The following LIMK1 variants were observed in gnomAD, a reference collection of about 807,000 sequenced individuals.
LIMK1 encodes the protein LIM motif-containing protein kinase.
A neutral mutation model predicts 77.6 loss-of-function variants in LIMK1; 21 were observed. The observed-to-expected ratio is 0.27, with a 90% confidence interval of 0.19 to 0.39. The LOEUF (loss-of-function observed/expected upper bound fraction) is 0.39. Among genes scored for constraint, LIMK1 ranks in the 10% least tolerant of loss-of-function variants. LIMK1 has a pLI of 1.00. For synonymous variants in LIMK1, 358 were observed against 370.0 expected (o/e 0.97, Z 0.37); for missense variants, 696 against 901.6 (o/e 0.77, Z 2.92).
At chr7:74,096,368 G>GTACA (rs1799336643) in intron 2 of LIMK1, among the ~76,000 whole-genome samples, 1 of 151,996 alleles carries the variant, frequency 6.6e-6, no homozygotes, top group Non-Finnish European at 1.5e-5. Flanking sequence ...GGGCATGGTG[G>GTACA]TGTGTGCCTG....
rs1384981303 is a variant in LIMK1, at chr7:74,120,977, A to G, written c.1709A>G (p.Tyr570Cys). 1.9e-6 allele frequency: 3 copies of G among 1,611,684 alleles called. No individual in the cohort carries two copies. The highest frequency in any genetic ancestry group is 2.5e-6 in the Non-Finnish European group (3 of 1,178,982). The change falls in exon 15 of 16, where the codon TAC becomes TGC. Residue 570 changes from tyrosine to cysteine, a missense_variant. Tyr to Cys is a radical substitution (Grantham distance 194). Coordinates refer to ENST00000336180, the MANE Select transcript of LIMK1 (RefSeq NM_002314.4). ...GLNVRGFLDR[Y>C]CPPNCPPSFF... ...AACGTGCGAGGATTCCTGGACCGCT[A>G]CTGCCCCCCAAACTGCCCCCCGAGC...
chr7:74,087,463 C>T (rs938279296), intron 2 of LIMK1, among the ~76,000 whole-genome samples: 4 of 152,162 alleles, frequency 2.6e-5, no homozygotes, highest in Non-Finnish European at 4.4e-5. Flanking sequence ...CAGGCATAGT[C>T]ACCAAACAGC....
intron 15 of LIMK1, 22 bp downstream of exon 15, chr7:74,121,071 C>A: frequency 6.3e-7 from 1 of 1,594,580 alleles, no homozygotes; most frequent in Non-Finnish European, 8.6e-7. Flanking sequence ...GGGGCCCTGG[C>A]CTGGGAGACG....
At chr7:74,100,484 G>A (rs953266907) in intron 5 of LIMK1, among the ~76,000 whole-genome samples, 12 of 152,102 alleles carry the variant, frequency 7.9e-5, no homozygotes, top group Non-Finnish European at 1.2e-4. Context: ...GTGCAGTGGT[G>A]TGATACCAGC....
rs35827364 is a variant in LIMK1 at position 74,099,199 on chromosome 7, G to C, written c.569G>C (p.Gly190Ala). ...ATTGACCCCCCGCACGGCCCACCGG[G>C]CTGTGGCACCGAGCACTCACACACC... ...VSIDPPHGPP[G>A]CGTEHSHTVR... Residue 190 changes from glycine to alanine, a missense_variant, in exon 5 of 16, where the codon GGC (glycine) becomes GCC (alanine). Coordinates refer to ENST00000336180, the MANE Select transcript of LIMK1 (RefSeq NM_002314.4). The C allele has an allele frequency of 1.5e-3, 2,395 of 1,609,974 alleles. 57 individuals are homozygous for C. In the East Asian group the frequency reaches 0.049, roughly 33 times the overall value.
Position 74,111,685 on chromosome 7 carries a change from C to G in LIMK1, c.1322C>G (p.Ala441Gly). The G allele has an allele frequency of 6.2e-7, 1 of 1,613,314 alleles. No individual in the cohort carries two copies. Among genetic ancestry groups the G allele is most frequent in the Non-Finnish European group, 8.5e-7 (1 of 1,179,660 alleles). The stretch of plus-strand genomic sequence containing the variant: ...CCATGGAGCCAGAGAGTGAGCTTTG[C>G]CAAGGACATCGCATCAGGGATGGTG... ...QYPWSQRVSF[A>G]KDIASGMAYL... The change falls in exon 11 of 16, where the codon GCC (alanine) becomes GGC (glycine). Residue 441 changes from alanine (A) to glycine (G), a missense_variant. Ala to Gly is a moderately conservative substitution (Grantham distance 60, BLOSUM62 0). This residue lies in a region of LIMK1 where 438 missense variants were observed against 602.3 expected (regional missense o/e 0.73). Coordinates refer to ENST00000336180, the MANE Select transcript of LIMK1 (RefSeq NM_002314.4).
At chr7:74,087,298 A>G (rs1799152621) in intron 2 of LIMK1, among the ~76,000 whole-genome samples, 1 of 152,044 alleles carries the variant, frequency 6.6e-6, no homozygotes, top group African/African-American at 2.4e-5. Context: ...CAGCTACTCA[A>G]GAGGCTGAGG....
chr7:74,115,971 G>T lies in LIMK1; in HGVS notation c.1567+13G>T. The T allele has an allele frequency of 6.2e-7, 1 of 1,608,068 alleles. No homozygotes were observed. The highest frequency in any genetic ancestry group is 1.7e-5 in the Admixed American group (1 of 59,798). On this transcript the variant is annotated intron_variant, in intron 13 of 15. Transcript: ENST00000336180. ...GAGATGATCAACGGTGAGTGGTTCA[G>T]CCCTGCCCATCATGGCCCTCACGGG...
At chr7:74,104,085 G>A (rs1419537281) in intron 5 of LIMK1, among the ~76,000 whole-genome samples, 1 of 151,778 alleles carries the variant, frequency 6.6e-6, no homozygotes, top group African/African-American at 2.4e-5. Context: ...GTGCCACCAT[G>A]CTCAGCTAAT....
chr7:74,097,180 A>G lies in LIMK1; in HGVS notation c.392A>G (p.Lys131Arg), dbSNP rs374366368. 1.4e-5 allele frequency: 23 copies of G among 1,607,996 alleles called. No homozygotes were observed. The highest frequency in any genetic ancestry group is 5.0e-5 in the Admixed American group (3 of 59,648). The change falls in exon 4 of 16, where the codon AAG becomes AGG. Residue 131 changes from lysine to arginine, a missense_variant. Around this residue, in one of 3 missense-constraint regions of LIMK1, gnomAD observed 252 missense variants for 279.4 expected, o/e 0.90. Transcript: ENST00000336180. ...ACCTACACGCTGGTGGAGCACTCCA[A>G]GCTGTACTGGTGAGTGCCTTGGCCC... is the stretch of plus-strand genomic sequence containing the variant. ...GDTYTLVEHS[K>R]LYCGHCYYQT...
At chr7:74,119,168 C>T (rs1458120204) in intron 13 of LIMK1, among the ~76,000 whole-genome samples, 1 of 151,168 alleles carries the variant, frequency 6.6e-6, no homozygotes, top group Non-Finnish European at 1.5e-5. Context: ...CAGGTGTGAG[C>T]CACCGTGCCC....
intron 2 of LIMK1, among the ~76,000 whole-genome samples, chr7:74,090,620 G>C (rs1361828111): frequency 6.6e-6 from 1 of 152,194 alleles, no homozygotes; most frequent in Non-Finnish European, 1.5e-5. Flanking sequence ...CGGGCCCTGG[G>C]CTTGAGGCAT....
intron 5 of LIMK1, among the ~76,000 whole-genome samples, chr7:74,103,647 A>G (rs1584118877): frequency 6.6e-6 from 1 of 152,146 alleles, no homozygotes; most frequent in Non-Finnish European, 1.5e-5. Context: ...ACCCTTCCCC[A>G]AATGATTTGA....
chr7:74,111,370 G>A (rs1240115077), intron 10 of LIMK1: 5 of 423,866 alleles, frequency 1.2e-5, no homozygotes, highest in South Asian at 9.1e-5. Context: ...CCCCGGAGGC[G>A]AAGGTTGTAG....
In LIMK1 at chr7:74,083,964, CG is replaced by C. The variant is rs1404537567; in HGVS notation, c.-26del. 259 of 1,229,334 alleles carry C rather than the reference CG, an allele frequency of 2.1e-4. No homozygotes were observed. Among genetic ancestry groups the C allele is most frequent in the Non-Finnish European group, 2.6e-4 (249 of 946,340 alleles). The allele number at this position is 1,229,334 out of a possible 1,614,324, so 76.2% of individuals were successfully genotyped here. Reference sequence around the variant, plus strand: ...GCCCGGCCGCCCCCAGCCCCAGCCCCGCCGGGCCCCGCCCCCCGTCGAGTGC... The same window carrying C: ...GCCCGGCCGCCCCCAGCCCCAGCCCCCCGGGCCCCGCCCCCCGTCGAGTGC... On this transcript the variant is annotated 5_prime_UTR_variant, in exon 1 of 16. Transcript: ENST00000336180.
In LIMK1 at chr7:74,111,580, C is replaced by T. The variant is rs1300970334; in HGVS notation, c.1285-68C>T. The T allele has an allele frequency of 2.4e-5, 32 of 1,335,442 alleles. No homozygotes were observed. In the African/African-American group the frequency reaches 4.3e-4, roughly 18 times the overall value. 82.7% of individuals were successfully genotyped at this position (1,335,442 alleles called of 1,614,324 possible). A position where few individuals can be genotyped will look rare whatever the true frequency, so the allele number is the denominator to read the frequency against. ...GACGCTTGCCTCTTCCTGCCTCTGT[C>T]TCATGCAACCATCCCTGCCATCGGG... On this transcript the variant is annotated intron_variant, in intron 10 of 15. Transcript: ENST00000336180.
chr7:74,116,002 A>G (rs782322191), intron 13 of LIMK1, 44 bp downstream of exon 13: 6 of 1,591,098 alleles, frequency 3.8e-6, no homozygotes, highest in East Asian at 2.2e-5. Flanking sequence ...ACGGGAAGCC[A>G]TGGGGGAGCC....
At chr7:74,117,933 C>T (rs190752972) in intron 13 of LIMK1, among the ~76,000 whole-genome samples, 4 of 151,818 alleles carry the variant, frequency 2.6e-5, no homozygotes, top group African/African-American at 7.2e-5. Flanking sequence ...CATGGTGAAA[C>T]GCTGTCTCTA....
chr7:74,098,448 C>G (rs561656633), intron 4 of LIMK1, among the ~76,000 whole-genome samples: 2 of 152,158 alleles, frequency 1.3e-5, no homozygotes, highest in Admixed American at 6.5e-5. Context: ...TTGTCCTGGC[C>G]GCCTTACAGG....
Sources: gnomAD v4.1 joint callset for allele counts (sites outside exome capture counted in the v4.1 genomes callset) on GRCh38, gnomAD v4.1.1 for gene constraint, gnomAD v4.1.1 regional missense constraint, MANE v1.5 for transcripts, NCBI Gene and HGNC (gene_info 2026-07-23, HGNC 2026-07-21) for gene names.